The following SH3D19 variants were observed in gnomAD, a reference collection of about 807,000 sequenced individuals.
The protein encoded by SH3D19 is SH3 domain-containing protein 19.
Under a neutral mutation model 112.1 loss-of-function variants are expected in SH3D19, and 58 were observed. The ratio of observed to expected loss-of-function variants is 0.52; its 90% CI spans 0.42 to 0.64. The LOEUF is 0.64. Ranked by LOEUF, SH3D19 falls within the 30% of genes least tolerant of loss-of-function variation. The pLI is 0.00. For missense variants in SH3D19, 1,090 were observed against 1,263.4 expected (o/e 0.86, Z 2.08); for synonymous variants, 391 against 448.5 (o/e 0.87, Z 1.62).
chr4:151,266,431 A>T (rs1772798046), intron 1 of SH3D19, among the ~76,000 whole-genome samples: 1 of 152,206 alleles, frequency 6.6e-6, no homozygotes, highest in Non-Finnish European at 1.5e-5. Context: ...ATGCTCATGG[A>T]GATTAGCTAC....
chr4:151,298,063 G>A (rs904228245), intron 1 of SH3D19, among the ~76,000 whole-genome samples: 1 of 152,002 alleles, frequency 6.6e-6, no homozygotes, highest in African/African-American at 2.4e-5. Context: ...AGCTAGAAAA[G>A]GCAAAAACAG....
intron 1 of SH3D19, among the ~76,000 whole-genome samples, chr4:151,237,168 T>C (rs183105047): frequency 6.6e-6 from 1 of 152,104 alleles, no homozygotes; most frequent in African/African-American, 2.4e-5. Context: ...GCGGAAGGAA[T>C]GAACAACTCT....
At chr4:151,146,525 G>T (rs939327305) in intron 11 of SH3D19, among the ~76,000 whole-genome samples, 5 of 150,924 alleles carry the variant, frequency 3.3e-5, no homozygotes, top group East Asian at 1.9e-4. Flanking sequence ...AACTGTTTTT[G>T]TTGTTGTTGT....
At chr4:151,185,933 A>G (rs1243953714) in intron 3 of SH3D19, among the ~76,000 whole-genome samples, 2 of 152,034 alleles carry the variant, frequency 1.3e-5, no homozygotes, top group Admixed American at 1.3e-4. Flanking sequence ...CCAGCTACTC[A>G]AGAGGCTGAG....
rs1730432569 is a variant in SH3D19, at chr4:151,194,089, GATCTCGGCTTACTGCA to G, written c.153-6642_153-6627del. 2.2e-5 allele frequency among the ~76,000 whole-genome samples: 3 copies of G among 137,786 alleles called. No individual in the cohort carries two copies. The Admixed American group carries it at 2.2e-4, about 10-fold the overall frequency. The allele number at this position is 137,786 out of a possible 152,430, so 90.4% of individuals were successfully genotyped here. A position where few individuals can be genotyped will look rare whatever the true frequency, so the allele number is the denominator to read the frequency against. On this transcript the variant is annotated intron_variant, in intron 2 of 19. Coordinates refer to ENST00000604030, the MANE Select transcript of SH3D19 (RefSeq NM_001378122.1). ...CACCCAGGCTGGAGTGCAGTGGCAT[GATCTCGGCTTACTGCA>G]ACCTCTGCCTCCTGGGTTTTAGCGA...
At chr4:151,126,831 T>C (rs2149724262) in intron 19 of SH3D19, among the ~76,000 whole-genome samples, 1 of 132,326 alleles carries the variant, frequency 7.6e-6, no homozygotes, top group East Asian at 2.3e-4. Flanking sequence ...AAAGAAAATA[T>C]CTACTTTTAC....
At chr4:151,152,087 A>C (rs1230169555) in intron 9 of SH3D19, among the ~76,000 whole-genome samples, 1 of 152,210 alleles carries the variant, frequency 6.6e-6, no homozygotes, top group East Asian at 1.9e-4. Context: ...AATCAGAAAA[A>C]AAGAGTGGCA....
At chr4:151,146,510 A>C (rs1261282864) in intron 11 of SH3D19, among the ~76,000 whole-genome samples, 1 of 152,088 alleles carries the variant, frequency 6.6e-6, no homozygotes, top group Non-Finnish European at 1.5e-5. Context: ...AGTAGAGAAC[A>C]CATCAACTGT....
At chr4:151,248,808 TAAACA>T (rs962350296) in intron 1 of SH3D19, among the ~76,000 whole-genome samples, 2 of 152,114 alleles carry the variant, frequency 1.3e-5, no homozygotes, top group African/African-American at 2.4e-5. Context: ...CACCCCCTTG[TAAACA>T]AAACAAAACA....
At chr4:151,302,972 A>T (rs753183286) in intron 1 of SH3D19, among the ~76,000 whole-genome samples, 4 of 152,210 alleles carry the variant, frequency 2.6e-5, no homozygotes, top group African/African-American at 9.7e-5. Context: ...CATATATAAC[A>T]AACCTGCATG....
intron 1 of SH3D19, among the ~76,000 whole-genome samples, chr4:151,316,518 C>G (rs761191785): frequency 2.6e-5 from 4 of 151,902 alleles, no homozygotes; most frequent in Admixed American, 6.6e-5. Flanking sequence ...TATGGGAGCT[C>G]TTTGTACTAT....
At chr4:151,218,280 T>C (rs895088799) in intron 2 of SH3D19, among the ~76,000 whole-genome samples, 4 of 152,146 alleles carry the variant, frequency 2.6e-5, no homozygotes, top group Non-Finnish European at 4.4e-5. Flanking sequence ...CTTGACTATT[T>C]CCTCAATTTT....
intron 2 of SH3D19, among the ~76,000 whole-genome samples, chr4:151,188,397 T>A (rs927249322): frequency 6.6e-6 from 1 of 152,228 alleles, no homozygotes; most frequent in African/African-American, 2.4e-5. Flanking sequence ...GGAATGTCCC[T>A]CATCCAAAAT....
chr4:151,255,846 G>A (rs1224311120), intron 1 of SH3D19, among the ~76,000 whole-genome samples: 5 of 152,238 alleles, frequency 3.3e-5, no homozygotes, highest in Non-Finnish European at 7.3e-5. Context: ...CCAACACAGC[G>A]AAACACCGTC....
At chr4:151,318,425 T>C in intron 1 of SH3D19, among the ~76,000 whole-genome samples, 1 of 152,100 alleles carries the variant, frequency 6.6e-6, no homozygotes, top group Non-Finnish European at 1.5e-5. Context: ...CCTCAGTCTT[T>C]GGGAGTCCTC....
intron 1 of SH3D19, among the ~76,000 whole-genome samples, chr4:151,258,841 T>C (rs1311977529): frequency 6.6e-6 from 1 of 152,154 alleles, no homozygotes; most frequent in Non-Finnish European, 1.5e-5. Context: ...CCTGGGATCC[T>C]GAGTCCAGGG....
At chr4:151,144,423 G>T in intron 11 of SH3D19, 1 of 730,032 alleles carries the variant, frequency 1.4e-6, no homozygotes, top group African/African-American at 1.8e-5. Flanking sequence ...GCTTCATCGC[G>T]CTCTAGATCA....
chr4:151,288,247 T>C (rs1775009934), intron 1 of SH3D19, among the ~76,000 whole-genome samples: 4 of 152,202 alleles, frequency 2.6e-5, no homozygotes, highest in Admixed American at 1.3e-4. Flanking sequence ...GTCATTTCTA[T>C]GCAACACTGT....
At chr4:151,266,153 A>G (rs1424709395) in intron 1 of SH3D19, 2 of 152,212 alleles carry the variant, frequency 1.3e-5, no homozygotes, top group African/African-American at 2.4e-5. Flanking sequence ...ACTAGGAATG[A>G]GATCGTACCG....
Sources: allele counts gnomAD v4.1 joint callset (sites outside exome capture counted in the v4.1 genomes callset), GRCh38; gene constraint gnomAD v4.1.1; transcripts MANE v1.5; gene names NCBI Gene and HGNC (gene_info 2026-07-23, HGNC 2026-07-21).